Variants in TM2D1 observed in about 807,000 individuals in gnomAD.
The protein encoded by TM2D1 is TM2 domain-containing protein 1.
In TM2D1, 15 loss-of-function variants were observed where a neutral mutation model predicts 28.4. The observed-to-expected ratio is 0.53, with a 90% CI of 0.35 to 0.81. TM2D1 has a LOEUF of 0.81. Among genes scored for constraint, TM2D1 ranks in the 40% least tolerant of loss-of-function variants. TM2D1 has a pLI of 0.01. For synonymous variants in TM2D1, 93 were observed against 96.2 expected, an observed-to-expected ratio of 0.97 and a Z score of 0.20; for missense variants, 236 against 254.9, an observed-to-expected ratio of 0.93 and a Z score of 0.50.
intron 2 of TM2D1, among the ~76,000 whole-genome samples, chr1:61,715,980 T>C (rs1179336162): frequency 1.3e-5 from 2 of 151,226 alleles, no homozygotes; most frequent in African/African-American, 4.9e-5. Context: ...TTTTTTTTTG[T>C]ATTTTTAGTA....
intron 3 of TM2D1, among the ~76,000 whole-genome samples, chr1:61,701,728 T>G (rs180740081): frequency 6.6e-6 from 1 of 151,984 alleles, no homozygotes; most frequent in South Asian, 2.1e-4. Flanking sequence ...TACAATGGAA[T>G]AGGGCACCAA....
At position 61,724,977 on chromosome 1, in the gene TM2D1, G is replaced by A. The variant is rs781579640; in HGVS notation, c.144C>T (p.Cys48=). ...TSAGGEESLK[C]EDLKVGQYIC... ...GATATTGTCCCACTTTGAGGTCCTC[G>A]CACTTAAGCGACTCCTCGCCCCCGG... Residue 48 remains cysteine, a synonymous_variant, in exon 1 of 7, where the codon TGC becomes TGT. Coordinates refer to ENST00000606498, the MANE Select transcript of TM2D1 (RefSeq NM_032027.3). 77 of 1,602,898 alleles carry A rather than the reference G, an allele frequency of 4.8e-5. No homozygotes were observed. Among genetic ancestry groups the A allele is most frequent in the Non-Finnish European group, 6.3e-5 (74 of 1,171,354 alleles).
intron 3 of TM2D1, among the ~76,000 whole-genome samples, chr1:61,703,113 G>GA (rs1644414801): frequency 6.6e-6 from 1 of 151,270 alleles, no homozygotes; most frequent in Non-Finnish European, 1.5e-5. Context: ...CCAAAAAACA[G>GA]AAAAAAGAAC....
intron 2 of TM2D1, 62 bp from the exon 3 acceptor site, chr1:61,709,499 G>A: frequency 8.6e-7 from 1 of 1,156,414 alleles, no homozygotes; most frequent in Non-Finnish European, 1.3e-6. Flanking sequence ...GTATGTAATT[G>A]TTCTAAGACT....
intron 2 of TM2D1, among the ~76,000 whole-genome samples, chr1:61,719,638 A>G (rs112289262): frequency 0.036 from 5,432 of 152,160 alleles, 320 homozygotes; most frequent in African/African-American, 0.12. Flanking sequence ...GATTACAGGC[A>G]TGCGTCAGCA....
At chr1:61,712,497 G>A (rs1048900378) in intron 2 of TM2D1, among the ~76,000 whole-genome samples, 6 of 152,014 alleles carry the variant, frequency 3.9e-5, no homozygotes, top group African/African-American at 1.2e-4. Context: ...TGCAACCTCC[G>A]TCTCCTGGGT....
intron 5 of TM2D1, among the ~76,000 whole-genome samples, chr1:61,693,607 C>T (rs1644343608): frequency 6.6e-6 from 1 of 152,160 alleles, no homozygotes; most frequent in Non-Finnish European, 1.5e-5. Context: ...AAAATTCCAA[C>T]TTTAAAACCA....
intron 4 of TM2D1, among the ~76,000 whole-genome samples, chr1:61,696,598 C>A (rs1644364822): frequency 6.6e-6 from 1 of 152,006 alleles, no homozygotes; most frequent in East Asian, 1.9e-4. Flanking sequence ...AGTATAGTCC[C>A]TCTAAAGTTA....
intron 5 of TM2D1, among the ~76,000 whole-genome samples, chr1:61,688,662 A>G (rs1417745603): frequency 1.3e-4 from 18 of 140,226 alleles, no homozygotes; most frequent in Middle Eastern, 4.2e-3. Flanking sequence ...GGCGGAGGTC[A>G]CAGTGAGCCA....
Position 61,683,496 on chromosome 1 carries a change from GGT to G in TM2D1, c.562_563del (p.Thr188GlnfsTer9). On this transcript the variant is annotated frameshift_variant, in exon 6 of 7. Transcript: ENST00000606498. LOFTEE classifies it high-confidence loss of function. ...GSSYIIDYYG[T>X]RLTRLSITNE... ...TAGTAATACTCAGTCTTGTAAGTCT[GGT>G]TCCATAGTAATCTATAATGTAACTA... is the stretch of plus-strand genomic sequence containing the variant. The G allele has an allele frequency of 6.5e-7, 1 of 1,544,692 alleles. No individual in the cohort carries two copies. The highest frequency in any genetic ancestry group is 8.7e-7 in the Non-Finnish European group (1 of 1,148,168).
chr1:61,687,796 T>G (rs1644294388), intron 5 of TM2D1, among the ~76,000 whole-genome samples: 1 of 152,186 alleles, frequency 6.6e-6, no homozygotes, highest in Non-Finnish European at 1.5e-5. Flanking sequence ...AACAGTAACA[T>G]CAGCAAGATC....
intron 2 of TM2D1, among the ~76,000 whole-genome samples, chr1:61,710,529 C>CAT (rs1026017322): frequency 7.5e-6 from 1 of 132,572 alleles, no homozygotes; most frequent in Non-Finnish European, 1.6e-5. Context: ...CACACACACA[C>CAT]ATATACGACT....
At chr1:61,709,551 C>T in intron 2 of TM2D1, 114 bp from the exon 3 acceptor site, 1 of 699,998 alleles carries the variant, frequency 1.4e-6, no homozygotes, top group South Asian at 1.6e-5. Flanking sequence ...TATAACATGA[C>T]ACAAGCCTTT....
intron 3 of TM2D1, among the ~76,000 whole-genome samples, chr1:61,703,897 C>T (rs1644422638): frequency 6.6e-6 from 1 of 151,532 alleles, no homozygotes; most frequent in African/African-American, 2.4e-5. Context: ...GCTGGGATTA[C>T]AGGCACCCAC....
rs1557527319 is a variant in TM2D1 at position 61,691,937 on chromosome 1, A to ATATATATATATATG, written c.513+2759_513+2760insCATATATATATATA. Among the ~76,000 whole-genome samples the ATATATATATATATG allele has an allele frequency of 5.4e-4, 42 of 77,724 alleles. 1 individual carries two copies. Among genetic ancestry groups the ATATATATATATATG allele is most frequent in the African/African-American group, 3.5e-3 (36 of 10,348 alleles). 51.0% of individuals were successfully genotyped at this position (77,724 alleles called of 152,430 possible). A position where few individuals can be genotyped will look rare whatever the true frequency, so the allele number is the denominator to read the frequency against. ...AAAAAAACTTAAAAAAAAAAAATAT[A>ATATATATATATATG]TATATATATATATATATATATATGT... On this transcript the variant is annotated intron_variant, in intron 5 of 6. Transcript: ENST00000606498.
chr1:61,686,917 T>C (rs1644289548), intron 5 of TM2D1: 10 of 975,522 alleles, frequency 1.0e-5, no homozygotes, highest in Middle Eastern at 5.3e-4. Flanking sequence ...AGCAAGACCC[T>C]GTCTCTAAAA....
chr1:61,699,968 T>C, intron 4 of TM2D1: 1 of 554,794 alleles, frequency 1.8e-6, no homozygotes, highest in Non-Finnish European at 2.7e-6. Flanking sequence ...CTTTTGTGGG[T>C]AGCAACATGG....
At chr1:61,710,062 A>T (rs1644466176) in intron 2 of TM2D1, among the ~76,000 whole-genome samples, 1 of 152,176 alleles carries the variant, frequency 6.6e-6, no homozygotes, top group Non-Finnish European at 1.5e-5. Flanking sequence ...TTATAACCTC[A>T]TAGTGTAAAG....
At chr1:61,689,682 A>G (rs777574253) in intron 5 of TM2D1, among the ~76,000 whole-genome samples, 1 of 152,234 alleles carries the variant, frequency 6.6e-6, no homozygotes, top group African/African-American at 2.4e-5. Context: ...GTTTCTAAAA[A>G]TAAATGGAAT....
Sources: allele counts gnomAD v4.1 joint callset (sites outside exome capture counted in the v4.1 genomes callset), GRCh38; gene constraint gnomAD v4.1.1; transcripts MANE v1.5; gene names NCBI Gene and HGNC (gene_info 2026-07-23, HGNC 2026-07-21).